ABCG8: variants seen among roughly 807,000 people sequenced by gnomAD.
ABCG8 encodes ATP-binding cassette sub-family G member 8.
A neutral mutation model predicts 71.3 loss-of-function variants in ABCG8; 81 were observed. The observed-to-expected ratio is 1.14, with a 90% CI of 0.95 to 1.37. The LOEUF (loss-of-function observed/expected upper bound fraction) is 1.37. Ranked by LOEUF, ABCG8 falls within the 40% of genes most tolerant of loss-of-function variation. ABCG8 has a pLI of 0.00. For missense variants in ABCG8, 1,119 were observed against 866.2 expected, an observed-to-expected ratio of 1.29 and a Z score of -3.66; for synonymous variants, 451 against 354.7, an observed-to-expected ratio of 1.27 and a Z score of -3.05.
chr2:43,869,993 A>G (rs1018180690), intron 6 of ABCG8, among the ~76,000 whole-genome samples: 6 of 151,804 alleles, frequency 4.0e-5, no homozygotes, highest in Admixed American at 1.3e-4. Context: ...GTGACAATCT[A>G]TCTGGATAGA....
At chr2:43,846,959 G>A (rs994744249) in intron 3 of ABCG8, 4 of 168,858 alleles carry the variant, frequency 2.4e-5, no homozygotes, top group African/African-American at 9.8e-5. Context: ...ACTCCTCAGT[G>A]TGTCTAGAGT....
chr2:43,860,900 G>A (rs60668987), intron 6 of ABCG8, among the ~76,000 whole-genome samples: 2 of 131,228 alleles, frequency 1.5e-5, no homozygotes, highest in African/African-American at 5.7e-5. Context: ...AACTCTCACT[G>A]TCTATCTGGA....
Position 43,861,359 on chromosome 2 carries a change from T to G in ABCG8, c.964+8491T>G, listed in dbSNP as rs142753364. Among the ~76,000 whole-genome samples, 583 of 151,470 alleles carry G rather than the reference T, an allele frequency of 3.8e-3. 14 individuals are homozygous for G. The highest frequency in any genetic ancestry group is 0.013 in the African/African-American group (553 of 41,504). On this transcript the variant is annotated intron_variant, in intron 6 of 12. Transcript: ENST00000272286. ...ATAGAAGTCTCACTATCTATTTGGA[T>G]AGAATTCTCATTCTCTGGATAGATC... is the stretch of plus-strand genomic sequence containing the variant.
At chr2:43,869,830 C>T (rs1333902876) in intron 6 of ABCG8, among the ~76,000 whole-genome samples, 4 of 147,894 alleles carry the variant, frequency 2.7e-5, no homozygotes, top group Non-Finnish European at 4.5e-5. Flanking sequence ...TGGCTAGAAC[C>T]CTCACTATCT....
At position 43,877,456 on chromosome 2, in the gene ABCG8, T is replaced by C. The variant is rs143959458; in HGVS notation, c.1757-105T>C. 682 of 1,557,740 alleles carry C rather than the reference T, an allele frequency of 4.4e-4. 2 individuals are homozygous for C. In the African/African-American group the frequency reaches 8.0e-3, roughly 18 times the overall value. On this transcript the variant is annotated intron_variant, in intron 11 of 12. Transcript: ENST00000272286. ...AGATCATGCAAATATGGGCAGACCA[T>C]GGGAATATGGGGAGACTCTGTGAAT...
chr2:43,839,241 G>A, intron 1 of ABCG8, 125 bp downstream of exon 1: 1 of 1,062,222 alleles, frequency 9.4e-7, no homozygotes, highest in Non-Finnish European at 1.4e-6. Context: ...TGAGGACATG[G>A]CCGCAGGACT....
chr2:43,859,483 G>A (rs1241200537), intron 6 of ABCG8, among the ~76,000 whole-genome samples: 1 of 149,914 alleles, frequency 6.7e-6, no homozygotes, highest in African/African-American at 2.5e-5. Flanking sequence ...TTCTCACTCT[G>A]CATAGAACTC....
At chr2:43,845,180 C>T (rs1445180573) in intron 2 of ABCG8, among the ~76,000 whole-genome samples, 1 of 150,884 alleles carries the variant, frequency 6.6e-6, no homozygotes, top group Middle Eastern at 3.4e-3. Flanking sequence ...AGTGCAAAGA[C>T]AATGACTGAC....
chr2:43,874,269 G>A (rs1669881354), intron 9 of ABCG8, 138 bp from the exon 10 acceptor site: 1 of 852,016 alleles, frequency 1.2e-6, no homozygotes, highest in South Asian at 1.4e-5. Flanking sequence ...TGGCTTTACT[G>A]TGCCTATTTA....
intron 3 of ABCG8, chr2:43,846,885 G>T: frequency 5.5e-6 from 1 of 180,820 alleles, no homozygotes; most frequent in Admixed American, 5.4e-5. Flanking sequence ...TTCTCATCAT[G>T]TTCCACCTTT....
At chr2:43,863,090 G>A (rs1228836622) in intron 6 of ABCG8, among the ~76,000 whole-genome samples, 2 of 145,150 alleles carry the variant, frequency 1.4e-5, no homozygotes, top group Non-Finnish European at 3.1e-5. Flanking sequence ...TCACCATATG[G>A]ATAGAACTCT....
intron 6 of ABCG8, among the ~76,000 whole-genome samples, chr2:43,858,363 TATCTGGATAGAATTCTCAAC>T (rs1201095278): frequency 8.6e-5 from 13 of 151,754 alleles, no homozygotes; most frequent in African/African-American, 3.1e-4. Context: ...GAACTCTCAC[TATCTGGATAGAATTCTCAAC>T]ATCTGGATAG....
intron 1 of ABCG8, 32 bp downstream of exon 1, chr2:43,839,148 T>C: frequency 6.5e-7 from 1 of 1,549,358 alleles, no homozygotes. Context: ...GGCCCAGGCC[T>C]GGTGGGCGGG....
intron 6 of ABCG8, among the ~76,000 whole-genome samples, chr2:43,862,931 C>G (rs1558831977): frequency 6.6e-6 from 1 of 151,212 alleles, no homozygotes; most frequent in Non-Finnish European, 1.5e-5. Context: ...GGATAGGATT[C>G]TCACTCTCTG....
chr2:43,862,278 G>C (rs907028076), intron 6 of ABCG8, among the ~76,000 whole-genome samples: 11 of 146,772 alleles, frequency 7.5e-5, no homozygotes, highest in African/African-American at 2.8e-4. Context: ...CTCACTATCT[G>C]GGTAGTATTC....
chr2:43,851,322 GC>G (rs1668906211), intron 3 of ABCG8, among the ~76,000 whole-genome samples: 1 of 152,236 alleles, frequency 6.6e-6, no homozygotes, highest in African/African-American at 2.4e-5. Flanking sequence ...GCCACCACTG[GC>G]TGGCCTGGCC....
Position 43,871,990 on chromosome 2 carries a change from A to T in ABCG8, c.979A>T (p.Ile327Phe). The T allele has an allele frequency of 6.2e-7, 1 of 1,614,090 alleles. No homozygotes were observed. The highest frequency in any genetic ancestry group is 8.5e-7 in the Non-Finnish European group (1 of 1,180,042). Residue 327 changes from isoleucine (I) to phenylalanine (F), a missense_variant, in exon 7 of 13, where the codon ATT becomes TTT. Coordinates refer to ENST00000272286, the MANE Select transcript of ABCG8 (RefSeq NM_022437.3). ...PADFYVDLTS[I>F]DRRSREQELA... ...CCTGCTTGCAGTGGACCTGACCAGC[A>T]TTGACAGGCGCAGCAGAGAGCAGGA...
chr2:43,867,590 T>C (rs1669575694), intron 6 of ABCG8, among the ~76,000 whole-genome samples: 1 of 151,886 alleles, frequency 6.6e-6, no homozygotes, highest in Non-Finnish European at 1.5e-5. Context: ...TGGATAGAGC[T>C]CTCACTGTCT....
rs1163084391 is a variant in ABCG8, at chr2:43,880,679, C to T, written c.*2766C>T. On this transcript the variant is annotated 3_prime_UTR_variant, in exon 13 of 13. Transcript: ENST00000272286. ...GTGTGTGTGTGCGCGCGCGCGCGCGCATGTGCATACATATACACCTAAGTA... is the reference window on the plus strand; with the variant it reads ...GTGTGTGTGTGCGCGCGCGCGCGCGTATGTGCATACATATACACCTAAGTA... The T allele has an allele frequency of 6.6e-6, 1 of 152,208 alleles. No individual in the cohort carries two copies. The allele number at this position is 152,208 out of a possible 1,614,324, so 9.4% of individuals were successfully genotyped here. A position where few individuals can be genotyped will look rare whatever the true frequency, so the allele number is the denominator to read the frequency against.
Sources: allele counts gnomAD v4.1 joint callset (sites outside exome capture counted in the v4.1 genomes callset), GRCh38; gene constraint gnomAD v4.1.1; transcripts MANE v1.5; gene names NCBI Gene and HGNC (gene_info 2026-07-23, HGNC 2026-07-21).